Variants in DCLK1 observed in about 807,000 individuals in gnomAD.
DCLK1 encodes the protein doublecortin like kinase 1, also known as serine/threonine-protein kinase DCLK1.
Under a neutral mutation model 86.2 loss-of-function variants are expected in DCLK1, and 16 were observed. The observed-to-expected ratio is 0.19, with a 90% CI of 0.13 to 0.28. The LOEUF is 0.28. DCLK1 is among the 10% of genes least tolerant of loss of function. The probability of loss-of-function intolerance (pLI) is 1.00; values close to 1 mark genes in which losing one functional copy is unlikely to be tolerated. For synonymous variants in DCLK1, 369 were observed against 370.5 expected, an observed-to-expected ratio of 1.00 and a Z score of 0.05; for missense variants, 590 against 940.2, an observed-to-expected ratio of 0.63 and a Z score of 4.87.
At chr13:35,968,344 A>G (rs1878886553) in intron 3 of DCLK1, among the ~76,000 whole-genome samples, 2 of 152,326 alleles carry the variant, frequency 1.3e-5, no homozygotes. Context: ...GGACATACTT[A>G]ATGCCGCAAA....
At chr13:35,851,889 A>G (rs1390744823) in intron 6 of DCLK1, among the ~76,000 whole-genome samples, 2 of 152,196 alleles carry the variant, frequency 1.3e-5, no homozygotes, top group African/African-American at 4.8e-5. Context: ...AGATTTTCCT[A>G]TTTGTAAAGA....
intron 3 of DCLK1, among the ~76,000 whole-genome samples, chr13:35,989,410 T>C (rs1269991120): frequency 6.6e-6 from 1 of 151,284 alleles, no homozygotes; most frequent in Non-Finnish European, 1.5e-5. Flanking sequence ...TATCTGGGAT[T>C]ACAGGTGCTC....
At chr13:36,046,414 T>A (rs1345321958) in intron 3 of DCLK1, among the ~76,000 whole-genome samples, 1 of 152,208 alleles carries the variant, frequency 6.6e-6, no homozygotes, top group Non-Finnish European at 1.5e-5. Flanking sequence ...ACACATTCCT[T>A]AAAATACTTC....
intron 6 of DCLK1, chr13:35,845,893 C>A: frequency 1.0e-6 from 1 of 983,032 alleles, no homozygotes; most frequent in Non-Finnish European, 1.2e-6. Flanking sequence ...ACTCACTGAA[C>A]AACATAGGCA....
intron 5 of DCLK1, among the ~76,000 whole-genome samples, chr13:35,868,348 G>A (rs528709298): frequency 1.3e-5 from 2 of 152,106 alleles, no homozygotes; most frequent in Non-Finnish European, 2.9e-5. Context: ...CAACAAAACT[G>A]CTAAAAACAA....
intron 4 of DCLK1, among the ~76,000 whole-genome samples, chr13:35,877,942 C>T (rs1413211483): frequency 1.3e-5 from 2 of 152,166 alleles, no homozygotes; most frequent in African/African-American, 4.8e-5. Context: ...ATAAGTTGCC[C>T]CTACATGTTC....
At chr13:35,855,148 C>T (rs558399756) in intron 5 of DCLK1, among the ~76,000 whole-genome samples, 19 of 152,320 alleles carry the variant, frequency 1.2e-4, no homozygotes, top group African/African-American at 2.4e-4. Context: ...TGGCCACAGA[C>T]GCTGAGAAAC....
chr13:35,819,999 C>G (rs117391352), intron 11 of DCLK1, among the ~76,000 whole-genome samples: 1 of 152,042 alleles, frequency 6.6e-6, no homozygotes, highest in African/African-American at 2.4e-5. Context: ...AAGAGTGAAC[C>G]GCTTGGTTTT....
chr13:36,131,674 A>C (rs749243441), upstream of DCLK1, among the ~76,000 whole-genome samples: 2 of 152,222 alleles, frequency 1.3e-5, no homozygotes, highest in African/African-American at 4.8e-5. Flanking sequence ...GACAGGGCTG[A>C]GTCTGAGCCA....
intron 15 of DCLK1, among the ~76,000 whole-genome samples, chr13:35,801,928 T>C (rs2086927711): frequency 6.6e-6 from 1 of 152,188 alleles, no homozygotes; most frequent in Non-Finnish European, 1.5e-5. Context: ...CAAAGTTATC[T>C]TCTAGCAAAC....
chr13:36,103,773 C>T (rs952004209), intron 3 of DCLK1, among the ~76,000 whole-genome samples: 4 of 152,190 alleles, frequency 2.6e-5, no homozygotes, highest in African/African-American at 9.6e-5. Flanking sequence ...CCCTTGAATA[C>T]TGCAGGTTTG....
chr13:36,003,779 C>A (rs1880827594), intron 3 of DCLK1, among the ~76,000 whole-genome samples: 1 of 152,084 alleles, frequency 6.6e-6, no homozygotes, highest in South Asian at 2.1e-4. Context: ...AGATATACGG[C>A]CATCCTGAAA....
chr13:36,049,349 T>G (rs1268310028), intron 3 of DCLK1, among the ~76,000 whole-genome samples: 1 of 152,182 alleles, frequency 6.6e-6, no homozygotes, highest in Non-Finnish European at 1.5e-5. Flanking sequence ...AAAGAGTAAA[T>G]GCATATCTGA....
intron 4 of DCLK1, among the ~76,000 whole-genome samples, chr13:35,900,452 G>C (rs1566593298): frequency 6.6e-6 from 1 of 152,104 alleles, no homozygotes; most frequent in Non-Finnish European, 1.5e-5. Context: ...ATGTTGGCCA[G>C]GCTGATCTTG....
At chr13:35,790,933 C>T (rs184527037) in intron 16 of DCLK1, among the ~76,000 whole-genome samples, 1 of 152,080 alleles carries the variant, frequency 6.6e-6, no homozygotes, top group Non-Finnish European at 1.5e-5. Flanking sequence ...TTGGATGTAT[C>T]CAGTGCTATT....
At chr13:35,857,324 A>G (rs968818776) in intron 5 of DCLK1, among the ~76,000 whole-genome samples, 2 of 152,180 alleles carry the variant, frequency 1.3e-5, no homozygotes, top group African/African-American at 4.8e-5. Context: ...TGCTAATGAG[A>G]CATGTGATAT....
intron 4 of DCLK1, among the ~76,000 whole-genome samples, chr13:35,929,791 G>C (rs1046664811): frequency 6.6e-6 from 1 of 151,764 alleles, no homozygotes; most frequent in African/African-American, 2.4e-5. Context: ...TTCAGGAAAA[G>C]TGAGACTCAT....
intron 2 of DCLK1, 39 bp downstream of exon 2, chr13:36,125,723 A>C: frequency 6.3e-7 from 1 of 1,575,666 alleles, no homozygotes. Flanking sequence ...TGAGCCTGGA[A>C]CCTGTAGGGT....
At chr13:35,880,510 T>C (rs1872825150) in intron 4 of DCLK1, among the ~76,000 whole-genome samples, 1 of 152,192 alleles carries the variant, frequency 6.6e-6, no homozygotes. Context: ...TGCAAGAGAT[T>C]ATGCTTTTCT....
Sources: gnomAD v4.1 joint callset for allele counts (sites outside exome capture counted in the v4.1 genomes callset) on GRCh38, gnomAD v4.1.1 for gene constraint, MANE v1.5 for transcripts, NCBI Gene and HGNC (gene_info 2026-07-23, HGNC 2026-07-21) for gene names.